Variants in WAC observed in about 807,000 individuals in gnomAD.
WAC encodes WW domain-containing adapter protein with coiled-coil.
Under a neutral mutation model 79.6 loss-of-function variants are expected in WAC, and 11 were observed. The ratio of observed to expected loss-of-function variants is 0.14; its 90% CI spans 0.09 to 0.23. WAC has a LOEUF of 0.23. Ranked by LOEUF, WAC falls within the 10% of genes least tolerant of loss-of-function variation. The probability of loss-of-function intolerance (pLI) is 1.00; values close to 1 mark genes in which losing one functional copy is unlikely to be tolerated. For missense variants in WAC, 728 were observed against 773.5 expected (o/e 0.94, Z 0.70); for synonymous variants, 304 against 276.9 (o/e 1.10, Z -0.97).
intron 3 of WAC, among the ~76,000 whole-genome samples, chr10:28,546,528 A>G (rs939753175): frequency 6.6e-6 from 1 of 152,208 alleles, no homozygotes; most frequent in African/African-American, 2.4e-5. Context: ...CATATTTAAT[A>G]TGCACGGATA....
chr10:28,619,506 A>G (rs777727088), intron 13 of WAC, 31 bp from the exon 14 acceptor site: 44 of 1,511,858 alleles, frequency 2.9e-5, no homozygotes, highest in South Asian at 1.3e-5. Flanking sequence ...GTATATGTAC[A>G]CAGGTTCTAA....
Position 28,610,950 on chromosome 10 carries a change from A to T in WAC, c.1288+129A>T, listed in dbSNP as rs553142109. ...GTTTTTTAAGAGATTAGCTACAATA[A>T]TTTTGTTTTTTTTGTAACACTGGCA... On this transcript the variant is annotated intron_variant, in intron 9 of 13. Transcript: ENST00000354911. 1.9e-3 allele frequency: 2,110 copies of T among 1,130,546 alleles called. 9 individuals are homozygous for T. Among genetic ancestry groups the T allele is most frequent in the Middle Eastern group, 0.015 (64 of 4,190 alleles). 70.0% of individuals were successfully genotyped at this position (1,130,546 alleles called of 1,614,324 possible).
At chr10:28,570,837 A>G (rs1838910680) in intron 3 of WAC, among the ~76,000 whole-genome samples, 2 of 152,152 alleles carry the variant, frequency 1.3e-5, no homozygotes, top group Non-Finnish European at 2.9e-5. Context: ...ATGAACAGCC[A>G]GCCATATAAG....
chr10:28,533,659 G>A, intron 1 of WAC, 39 bp downstream of exon 1: 1 of 1,540,624 alleles, frequency 6.5e-7, no homozygotes, highest in Non-Finnish European at 8.8e-7. Flanking sequence ...CGGCGGCGGG[G>A]GGCGGCGGCG....
chr10:28,583,822 G>C (rs925771905), intron 4 of WAC, among the ~76,000 whole-genome samples: 1 of 152,056 alleles, frequency 6.6e-6, no homozygotes, highest in African/African-American at 2.4e-5. Context: ...TCTTTAAAGT[G>C]GTCTAAGTTA....
At chr10:28,567,957 C>G (rs942705806) in intron 3 of WAC, among the ~76,000 whole-genome samples, 3 of 152,124 alleles carry the variant, frequency 2.0e-5, no homozygotes, top group African/African-American at 7.2e-5. Context: ...AAGCTGGTCT[C>G]GAACTCCTGG....
intron 7 of WAC, among the ~76,000 whole-genome samples, chr10:28,597,392 C>T (rs1472838568): frequency 2.0e-5 from 3 of 152,138 alleles, no homozygotes; most frequent in Non-Finnish European, 2.9e-5. Flanking sequence ...CAATCCTTGT[C>T]AGTTAAAATT....
intron 3 of WAC, among the ~76,000 whole-genome samples, chr10:28,552,977 T>G (rs1403010421): frequency 6.6e-6 from 1 of 151,996 alleles, no homozygotes; most frequent in Non-Finnish European, 1.5e-5. Flanking sequence ...GTACTTTAAT[T>G]TCTGCTTTCA....
intron 3 of WAC, among the ~76,000 whole-genome samples, chr10:28,570,166 T>TG (rs1838865672): frequency 6.6e-6 from 1 of 152,242 alleles, no homozygotes; most frequent in Non-Finnish European, 1.5e-5. Context: ...CTTTTTTCTC[T>TG]CTTTAATACC....
At chr10:28,611,162 C>A in intron 9 of WAC, 1 of 821,628 alleles carries the variant, frequency 1.2e-6, no homozygotes, top group Non-Finnish European at 1.7e-6. Flanking sequence ...TGAAACATTG[C>A]ATGTATTTGA....
chr10:28,548,939 G>T (rs928996114), intron 3 of WAC, among the ~76,000 whole-genome samples: 4 of 152,094 alleles, frequency 2.6e-5, no homozygotes, highest in African/African-American at 9.7e-5. Flanking sequence ...CACCCAGGCT[G>T]AATGGAGTGC....
chr10:28,609,127 C>T (rs990538145), intron 8 of WAC, among the ~76,000 whole-genome samples: 3 of 152,056 alleles, frequency 2.0e-5, no homozygotes, highest in African/African-American at 2.4e-5. Flanking sequence ...ATTTTTAGGC[C>T]GAGGCGGGTG....
At chr10:28,609,565 T>A (rs1437595120) in intron 8 of WAC, among the ~76,000 whole-genome samples, 3 of 152,182 alleles carry the variant, frequency 2.0e-5, no homozygotes, top group Non-Finnish European at 4.4e-5. Flanking sequence ...GGTAGGTAAA[T>A]GTTTCATTTA....
Position 28,619,809 on chromosome 10 carries a change from A to C in WAC, c.*203A>C. The C allele has an allele frequency of 2.2e-6, 1 of 460,708 alleles. No individual in the cohort carries two copies. Among genetic ancestry groups the C allele is most frequent in the Non-Finnish European group, 3.8e-6 (1 of 262,682 alleles). 28.5% of individuals were successfully genotyped at this position (460,708 alleles called of 1,614,324 possible). On this transcript the variant is annotated 3_prime_UTR_variant, in exon 14 of 14. Coordinates refer to ENST00000354911, the MANE Select transcript of WAC (RefSeq NM_016628.5). ...AACCCTTGAAATGTAGATTTCTTGT[A>C]GATGTATCCTTCACGTTGTAAATAT...
At chr10:28,571,576 AGAT>A (rs1418863858) in intron 3 of WAC, among the ~76,000 whole-genome samples, 3 of 152,186 alleles carry the variant, frequency 2.0e-5, no homozygotes, top group Non-Finnish European at 4.4e-5. Context: ...CTTCTGTGTG[AGAT>A]GATTTTTGTA....
chr10:28,590,210 G>A (rs1840014928), intron 5 of WAC, among the ~76,000 whole-genome samples: 1 of 151,610 alleles, frequency 6.6e-6, no homozygotes. Flanking sequence ...CTACTAAGAG[G>A]CTGAGGTGGG....
intron 1 of WAC, 65 bp downstream of exon 1, chr10:28,533,685 C>T (rs1174846555): frequency 1.7e-5 from 25 of 1,488,688 alleles, no homozygotes; most frequent in South Asian, 2.4e-5. Flanking sequence ...GCTGTTCCTC[C>T]TTATCTGGAG....
intron 8 of WAC, 30 bp from the exon 9 acceptor site, chr10:28,610,669 A>G: frequency 6.3e-7 from 1 of 1,584,878 alleles, no homozygotes; most frequent in African/African-American, 1.4e-5. Flanking sequence ...TCTTGTTTTT[A>G]TATGAATGTA....
chr10:28,595,209 T>C (rs993802927), intron 6 of WAC, among the ~76,000 whole-genome samples: 2 of 152,226 alleles, frequency 1.3e-5, no homozygotes, highest in African/African-American at 4.8e-5. Context: ...CATTTAAGCC[T>C]TCTTATAAAC....
Sources: gnomAD v4.1 joint callset for allele counts (sites outside exome capture counted in the v4.1 genomes callset) on GRCh38, gnomAD v4.1.1 for gene constraint, MANE v1.5 for transcripts, NCBI Gene and HGNC (gene_info 2026-07-23, HGNC 2026-07-21) for gene names.